PTPRD: variants seen among roughly 807,000 people sequenced by gnomAD.
PTPRD encodes the protein receptor-type tyrosine-protein phosphatase delta.
PTPRD carries 34 observed loss-of-function variants against 214.5 expected under a neutral mutation model. That is an observed-to-expected ratio of 0.16 (90% CI 0.12 to 0.21). PTPRD has a LOEUF of 0.21. Ranked by LOEUF, PTPRD falls within the 10% of genes least tolerant of loss-of-function variation. The probability of loss-of-function intolerance (pLI) is 1.00; values close to 1 mark genes in which losing one functional copy is unlikely to be tolerated. For synonymous variants in PTPRD, 1,128 were observed against 845.7 expected (o/e 1.33, Z -5.79); for missense variants, 2,545 against 2,398.7 (o/e 1.06, Z -1.27).
At chr9:8,453,755 G>C (rs2096063083) in intron 33 of PTPRD, among the ~76,000 whole-genome samples, 1 of 152,154 alleles carries the variant, frequency 6.6e-6, no homozygotes, top group Non-Finnish European at 1.5e-5. Context: ...CCAATGCCTA[G>C]ACTTTCTGAT....
chr9:8,989,373 T>C (rs2099357554), intron 11 of PTPRD, among the ~76,000 whole-genome samples: 1 of 152,116 alleles, frequency 6.6e-6, no homozygotes, highest in Non-Finnish European at 1.5e-5. Context: ...CCGCTTTTGC[T>C]TCTCAGCCTC....
At chr9:9,743,770 A>ACACAC (rs371763537) in intron 6 of PTPRD, among the ~76,000 whole-genome samples, 9 of 145,342 alleles carry the variant, frequency 6.2e-5, no homozygotes, top group South Asian at 2.1e-4. Flanking sequence ...ACACACACAC[A>ACACAC]ATTTATACTG....
At chr9:10,560,021 A>G (rs146770987) in intron 2 of PTPRD, among the ~76,000 whole-genome samples, 1,614 of 152,316 alleles carry the variant, frequency 0.011, 31 homozygotes, top group African/African-American at 0.036. Flanking sequence ...GGGATCTAGA[A>G]CTAGAAATAC....
intron 11 of PTPRD, among the ~76,000 whole-genome samples, chr9:8,844,205 A>G (rs1446950909): frequency 6.6e-6 from 1 of 152,174 alleles, no homozygotes; most frequent in African/African-American, 2.4e-5. Flanking sequence ...AGGCTTGTGG[A>G]TACAATCTTT....
At chr9:10,446,472 G>A (rs1230377137) in intron 2 of PTPRD, among the ~76,000 whole-genome samples, 1 of 97,246 alleles carries the variant, frequency 1.0e-5, no homozygotes, top group Non-Finnish European at 1.9e-5. Context: ...CTAAAAGATT[G>A]AAATTCTCCT....
At chr9:9,642,439 T>C (rs73390926) in intron 7 of PTPRD, among the ~76,000 whole-genome samples, 3,498 of 152,350 alleles carry the variant, frequency 0.023, 143 homozygotes, top group African/African-American at 0.08. Flanking sequence ...TAATCACTTA[T>C]GTCTTTAGAT....
intron 11 of PTPRD, among the ~76,000 whole-genome samples, chr9:8,887,709 G>A (rs1178679401): frequency 6.6e-6 from 1 of 152,038 alleles, no homozygotes; most frequent in Non-Finnish European, 1.5e-5. Context: ...AAGCAGTAAT[G>A]AAATCTACAC....
intron 2 of PTPRD, among the ~76,000 whole-genome samples, chr9:10,392,283 T>C (rs1402599045): frequency 6.6e-6 from 1 of 151,942 alleles, no homozygotes; most frequent in Non-Finnish European, 1.5e-5. Context: ...GTTGATTCTA[T>C]GGTTAGGTGG....
At chr9:8,807,627 T>C (rs2096714256) in intron 11 of PTPRD, among the ~76,000 whole-genome samples, 2 of 152,054 alleles carry the variant, frequency 1.3e-5, no homozygotes, top group Non-Finnish European at 2.9e-5. Context: ...GATTTTGCTT[T>C]CTCTAATATG....
At chr9:9,780,962 T>C (rs983395310) in intron 5 of PTPRD, among the ~76,000 whole-genome samples, 1 of 152,202 alleles carries the variant, frequency 6.6e-6, no homozygotes, top group African/African-American at 2.4e-5. Context: ...ATTCCAAGTG[T>C]ATGACTTTCT....
intron 11 of PTPRD, among the ~76,000 whole-genome samples, chr9:8,833,747 C>T (rs186908746): frequency 1.0e-4 from 15 of 147,810 alleles, no homozygotes; most frequent in African/African-American, 3.3e-4. Flanking sequence ...CACACACACA[C>T]GATTCTATAT....
intron 2 of PTPRD, among the ~76,000 whole-genome samples, chr9:10,508,761 A>C (rs1466155977): frequency 3.3e-5 from 5 of 152,062 alleles, no homozygotes; most frequent in Non-Finnish European, 7.4e-5. Context: ...ACTTGGACAC[A>C]GGAAGGGGAA....
chr9:9,137,801 G>T (rs186754189), intron 10 of PTPRD, among the ~76,000 whole-genome samples: 5 of 152,084 alleles, frequency 3.3e-5, no homozygotes, highest in Non-Finnish European at 5.9e-5. Context: ...TCATGAGGTT[G>T]CACAAGCCAC....
intron 7 of PTPRD, among the ~76,000 whole-genome samples, chr9:9,642,690 G>A (rs184743030): frequency 1.0e-3 from 154 of 152,256 alleles, no homozygotes; most frequent in African/African-American, 3.5e-3. Flanking sequence ...ATATGTGTTG[G>A]TTCTAAAGAA....
intron 7 of PTPRD, among the ~76,000 whole-genome samples, chr9:9,588,649 A>G (rs1349266369): frequency 2.0e-5 from 3 of 151,992 alleles, no homozygotes; most frequent in African/African-American, 7.2e-5. Flanking sequence ...ATATTTTTTA[A>G]TATCCATGTT....
intron 14 of PTPRD, among the ~76,000 whole-genome samples, chr9:8,554,938 T>G (rs10217447): frequency 6.6e-6 from 1 of 151,902 alleles, no homozygotes; most frequent in Non-Finnish European, 1.5e-5. Context: ...CTCTTTGTAC[T>G]TATGAGTATA....
At chr9:9,998,123 A>ATATATATATATAT (rs1555449048) in intron 4 of PTPRD, among the ~76,000 whole-genome samples, 3 of 47,760 alleles carry the variant, frequency 6.3e-5, no homozygotes, top group African/African-American at 3.0e-4. Context: ...AATAAAAAAA[A>ATATATATATATAT]AAAAAAATAT....
intron 9 of PTPRD, among the ~76,000 whole-genome samples, chr9:9,354,755 C>CA (rs1181774721): frequency 6.6e-6 from 1 of 151,702 alleles, no homozygotes; most frequent in Non-Finnish European, 1.5e-5. Flanking sequence ...AGTAAGATAG[C>CA]ATGAAGTGGG....
chr9:8,761,447 T>C (rs960452954), intron 11 of PTPRD, among the ~76,000 whole-genome samples: 1 of 152,172 alleles, frequency 6.6e-6, no homozygotes, highest in African/African-American at 2.4e-5. Context: ...TACCACACAA[T>C]ATGGTTACTG....
Sources: allele counts gnomAD v4.1 joint callset (sites outside exome capture counted in the v4.1 genomes callset), GRCh38; gene constraint gnomAD v4.1.1; transcripts MANE v1.5; gene names NCBI Gene and HGNC (gene_info 2026-07-23, HGNC 2026-07-21).